CDH12: variants seen among roughly 807,000 people sequenced by gnomAD.
CDH12 encodes cadherin-12.
A neutral mutation model predicts 74.1 loss-of-function variants in CDH12; 41 were observed. The observed-to-expected ratio is 0.55, with a 90% CI of 0.43 to 0.72. The LOEUF (loss-of-function observed/expected upper bound fraction) is 0.72. Ranked by LOEUF, CDH12 falls within the 30% of genes least tolerant of loss-of-function variation. The pLI, the probability that CDH12 is intolerant of heterozygous loss-of-function variation, is 0.00. For missense variants in CDH12, 945 were observed against 977.2 expected (o/e 0.97, Z 0.44); for synonymous variants, 399 against 355.0 (o/e 1.12, Z -1.39).
intron 3 of CDH12, among the ~76,000 whole-genome samples, chr5:22,324,391 T>C (rs566623604): frequency 6.6e-6 from 1 of 152,134 alleles, no homozygotes; most frequent in East Asian, 1.9e-4. Context: ...ATAGTTAAAA[T>C]ATCCTTGTTT....
chr5:22,720,232 A>T (rs1395511680), intron 1 of CDH12, among the ~76,000 whole-genome samples: 1 of 152,132 alleles, frequency 6.6e-6, no homozygotes, highest in African/African-American at 2.4e-5. Flanking sequence ...GAGTTCTCAC[A>T]ATTTTGTCTT....
intron 4 of CDH12, among the ~76,000 whole-genome samples, chr5:22,117,478 T>TATATATTA (rs1554012020): frequency 1.5e-5 from 1 of 68,292 alleles, no homozygotes; most frequent in Non-Finnish European, 2.6e-5. Context: ...AATATATATA[T>TATATATTA]TATATATATA....
intron 6 of CDH12, chr5:21,889,708 T>C (rs754054486): frequency 9.1e-6 from 9 of 985,110 alleles, no homozygotes; most frequent in Non-Finnish European, 8.4e-6. Context: ...TTCTGCATTC[T>C]AGACATCTCA....
intron 1 of CDH12, among the ~76,000 whole-genome samples, chr5:22,642,700 A>T (rs1272631793): frequency 6.6e-6 from 1 of 152,182 alleles, no homozygotes; most frequent in East Asian, 1.9e-4. Context: ...ATAAATGTAG[A>T]TACTAAGATT....
intron 2 of CDH12, among the ~76,000 whole-genome samples, chr5:22,496,650 G>C (rs1402924576): frequency 2.0e-5 from 3 of 152,080 alleles, no homozygotes; most frequent in Non-Finnish European, 4.4e-5. Context: ...CAACACTGCT[G>C]TTGTCAACAT....
chr5:22,400,164 T>C (rs1742656917), intron 3 of CDH12, among the ~76,000 whole-genome samples: 1 of 152,194 alleles, frequency 6.6e-6, no homozygotes, highest in African/African-American at 2.4e-5. Flanking sequence ...CTGATTTTAT[T>C]CTACTGGTGT....
At chr5:21,858,136 G>A (rs980886891) in intron 6 of CDH12, among the ~76,000 whole-genome samples, 8 of 151,602 alleles carry the variant, frequency 5.3e-5, no homozygotes, top group East Asian at 1.9e-4. Flanking sequence ...TCACATTCAT[G>A]GTTAGAGCTT....
intron 3 of CDH12, among the ~76,000 whole-genome samples, chr5:22,331,186 C>A (rs141990087): frequency 6.6e-6 from 1 of 152,164 alleles, no homozygotes; most frequent in Non-Finnish European, 1.5e-5. Context: ...TACTTTAATT[C>A]CTGGCTGCCA....
chr5:22,747,905 T>A (rs888508518), intron 1 of CDH12, among the ~76,000 whole-genome samples: 3 of 152,188 alleles, frequency 2.0e-5, no homozygotes, highest in African/African-American at 7.2e-5. Context: ...CAAATTCTTA[T>A]ATTCTGGTAA....
intron 4 of CDH12, among the ~76,000 whole-genome samples, chr5:22,107,778 C>T (rs1744566375): frequency 6.6e-6 from 1 of 152,162 alleles, no homozygotes; most frequent in South Asian, 2.1e-4. Flanking sequence ...TCTACTTTTC[C>T]TATGGGTCCA....
chr5:21,893,749 T>C (rs2150046714), intron 6 of CDH12, among the ~76,000 whole-genome samples: 1 of 152,310 alleles, frequency 6.6e-6, no homozygotes, highest in African/African-American at 2.4e-5. Flanking sequence ...ATGAATCATG[T>C]CATTCTTCTC....
At chr5:21,883,341 A>C in intron 6 of CDH12, 1 of 1,531,500 alleles carries the variant, frequency 6.5e-7, no homozygotes, top group Non-Finnish European at 9.1e-7. Context: ...TGAAAAGAAA[A>C]TTTCTAGTGT....
intron 5 of CDH12, among the ~76,000 whole-genome samples, chr5:21,978,615 C>T (rs1757168850): frequency 1.3e-5 from 2 of 151,834 alleles, no homozygotes; most frequent in African/African-American, 4.8e-5. Context: ...AAACAAAATA[C>T]CATAATTATT....
intron 4 of CDH12, among the ~76,000 whole-genome samples, chr5:22,120,461 A>C (rs1317277335): frequency 2.0e-5 from 3 of 152,196 alleles, no homozygotes; most frequent in Admixed American, 6.5e-5. Flanking sequence ...CAAGCTCCAC[A>C]AGCAAGAGAG....
chr5:21,985,048 T>C lies in CDH12; in HGVS notation c.232-9663A>G, dbSNP rs567823243. Reference sequence around the variant, plus strand: ...CCCCACTTCTCTCTCCAAATATCTTTGTAGCATTTTCTTTCTTTGTTTTCT... The same window carrying C: ...CCCCACTTCTCTCTCCAAATATCTTCGTAGCATTTTCTTTCTTTGTTTTCT... On this transcript the variant is annotated intron_variant, in intron 5 of 14. Coordinates refer to ENST00000382254, the MANE Select transcript of CDH12 (RefSeq NM_004061.5). Among the ~76,000 whole-genome samples the C allele has an allele frequency of 1.2e-3, 186 of 152,136 alleles. 1 individual carries two copies. Among genetic ancestry groups the C allele is most frequent in the African/African-American group, 4.2e-3 (174 of 41,470 alleles).
rs140696885 is a variant in CDH12, at chr5:22,594,449, C to T, written c.-522-89085G>A. On this transcript the variant is annotated intron_variant, in intron 1 of 14. Transcript: ENST00000382254. ...CCATCCAGGTGGGAATTAGTTCCTA[C>T]AGTGAACATAGTAGCAAACGCCCTA... Among the ~76,000 whole-genome samples, 549 of 152,192 alleles carry T rather than the reference C, an allele frequency of 3.6e-3. 1 individual carries two copies. The highest frequency in any genetic ancestry group is 0.01 in the African/African-American group (421 of 41,532).
chr5:21,779,495 T>C (rs1350338417), intron 11 of CDH12: 2 of 152,246 alleles, frequency 1.3e-5, no homozygotes, highest in African/African-American at 2.4e-5. Flanking sequence ...TACTCAAGGT[T>C]AATATAATAA....
intron 4 of CDH12, among the ~76,000 whole-genome samples, chr5:22,108,545 A>G (rs1351743137): frequency 1.3e-5 from 2 of 152,266 alleles, no homozygotes; most frequent in African/African-American, 4.8e-5. Flanking sequence ...ATAAAATACC[A>G]TAAGGAATCA....
chr5:22,241,131 T>A (rs1025801110), intron 3 of CDH12, among the ~76,000 whole-genome samples: 1 of 152,150 alleles, frequency 6.6e-6, no homozygotes, highest in East Asian at 1.9e-4. Flanking sequence ...TTTCTTATTA[T>A]AGGCTGTGAT....
Sources: allele counts gnomAD v4.1 joint callset (sites outside exome capture counted in the v4.1 genomes callset), GRCh38; gene constraint gnomAD v4.1.1; transcripts MANE v1.5; gene names NCBI Gene and HGNC (gene_info 2026-07-23, HGNC 2026-07-21).